Variants in PTDSS1 observed in about 807,000 individuals in gnomAD.
PTDSS1 encodes the protein phosphatidylserine synthase 1, also known as PSS-1.
PTDSS1 carries 45 observed loss-of-function variants against 70.5 expected under a neutral mutation model. That is an observed-to-expected ratio of 0.64 (90% CI 0.50 to 0.82). The LOEUF (loss-of-function observed/expected upper bound fraction) is 0.82, where lower values mean the gene tolerates loss of function less well. Ranked by LOEUF, PTDSS1 falls within the 40% of genes least tolerant of loss-of-function variation. The pLI is 0.00. For synonymous variants in PTDSS1, 188 were observed against 203.8 expected, an observed-to-expected ratio of 0.92 and a Z score of 0.66; for missense variants, 417 against 586.1, an observed-to-expected ratio of 0.71 and a Z score of 2.98.
chr8:96,296,453 CATAAGGACACAAGAGCATTCCCTTTT>C (rs1350613677), intron 5 of PTDSS1, among the ~76,000 whole-genome samples: 1 of 152,070 alleles, frequency 6.6e-6, no homozygotes, highest in Admixed American at 6.6e-5. Flanking sequence ...TGTTCTTTTT[CATAAGGACACAAGAGCATTCCCTTTT>C]ATAAGGACAC....
intron 4 of PTDSS1, chr8:96,287,389 A>G (rs1344048259): frequency 8.4e-6 from 4 of 477,998 alleles, no homozygotes; most frequent in African/African-American, 7.8e-5. Flanking sequence ...ATCGTCAGAC[A>G]GCCTTGGGTG....
chr8:96,308,211 A>T (rs1052977168), intron 8 of PTDSS1, among the ~76,000 whole-genome samples: 1 of 152,212 alleles, frequency 6.6e-6, no homozygotes, highest in Admixed American at 6.5e-5. Context: ...TTGAGTGAAC[A>T]TGCTTTTAAT....
At chr8:96,298,297 A>C (rs1270322952) in intron 5 of PTDSS1, among the ~76,000 whole-genome samples, 1 of 152,206 alleles carries the variant, frequency 6.6e-6, no homozygotes, top group Non-Finnish European at 1.5e-5. Context: ...TATAGCTTAC[A>C]AAATGCTTTC....
intron 10 of PTDSS1, among the ~76,000 whole-genome samples, chr8:96,324,085 C>T (rs964837114): frequency 7.2e-5 from 11 of 152,182 alleles, no homozygotes; most frequent in Non-Finnish European, 1.2e-4. Flanking sequence ...GTCTTTGCTA[C>T]TGTGTGACAA....
intron 12 of PTDSS1, among the ~76,000 whole-genome samples, chr8:96,332,876 C>G (rs1021174370): frequency 6.6e-6 from 1 of 152,186 alleles, no homozygotes; most frequent in Non-Finnish European, 1.5e-5. Flanking sequence ...GCCGCTAGGC[C>G]AGGCAGGGGC....
At chr8:96,321,300 C>T (rs1421112747) in intron 10 of PTDSS1, among the ~76,000 whole-genome samples, 1 of 152,170 alleles carries the variant, frequency 6.6e-6, no homozygotes, top group East Asian at 1.9e-4. Flanking sequence ...AACCACCCTA[C>T]CATTATCATA....
chr8:96,333,135 G>A (rs1811541732), intron 12 of PTDSS1, among the ~76,000 whole-genome samples: 1 of 152,188 alleles, frequency 6.6e-6, no homozygotes. Flanking sequence ...CCCCTCGTTT[G>A]GGCTTCCGTT....
intron 4 of PTDSS1, among the ~76,000 whole-genome samples, chr8:96,291,146 C>T (rs1810897069): frequency 6.6e-6 from 1 of 152,062 alleles, no homozygotes; most frequent in South Asian, 2.1e-4. Context: ...CCATCCCATG[C>T]TGGTGGGAGT....
intron 5 of PTDSS1, among the ~76,000 whole-genome samples, chr8:96,296,237 C>T (rs1372393883): frequency 2.1e-5 from 3 of 143,616 alleles, no homozygotes; most frequent in Admixed American, 7.4e-5. Flanking sequence ...CTCCTGGGTT[C>T]ACGCCATTCT....
intron 10 of PTDSS1, 146 bp downstream of exon 10, chr8:96,320,491 C>T: frequency 1.4e-6 from 1 of 723,406 alleles, no homozygotes. Flanking sequence ...CTGAGACTGG[C>T]CACCAGCCTA....
At chr8:96,276,976 G>GTGCA (rs1810654762) in intron 2 of PTDSS1, among the ~76,000 whole-genome samples, 1 of 107,484 alleles carries the variant, frequency 9.3e-6, no homozygotes, top group Non-Finnish European at 2.1e-5. Context: ...GCGCGCACGC[G>GTGCA]CGCGCACACA....
rs1403864009 is a variant in PTDSS1 at position 96,277,397 on chromosome 8, C to T, written c.271+4007C>T. 2.1e-4 allele frequency among the ~76,000 whole-genome samples: 32 copies of T among 152,226 alleles called. 1 individual carries two copies. The highest frequency in any genetic ancestry group is 1.6e-3 in the Admixed American group (24 of 15,288). On this transcript the variant is annotated intron_variant, in intron 2 of 12. Transcript: ENST00000517309. Reference sequence around the variant, plus strand: ...CCCCTATTAGAGCCCTCTCTCAGGCCACAGGCCTCCCCAGGAGCCCATGCT... The same window carrying T: ...CCCCTATTAGAGCCCTCTCTCAGGCTACAGGCCTCCCCAGGAGCCCATGCT...
At chr8:96,328,685 T>C (rs892985122) in intron 10 of PTDSS1, among the ~76,000 whole-genome samples, 13 of 152,178 alleles carry the variant, frequency 8.5e-5, no homozygotes, top group African/African-American at 2.7e-4. Flanking sequence ...CCTTTCTTTT[T>C]TGGAACTAAG....
intron 10 of PTDSS1, among the ~76,000 whole-genome samples, chr8:96,323,262 AC>A (rs917170110): frequency 5.3e-5 from 8 of 152,192 alleles, no homozygotes; most frequent in Middle Eastern, 3.4e-3. Context: ...GTTGGGGATG[AC>A]CCTGCTGCCA....
intron 6 of PTDSS1, among the ~76,000 whole-genome samples, chr8:96,300,694 T>G (rs1157525024): frequency 1.3e-5 from 2 of 152,244 alleles, no homozygotes; most frequent in African/African-American, 4.8e-5. Context: ...CCCACATCAT[T>G]AAATATTCTT....
Position 96,262,754 on chromosome 8 carries a change from T to A in PTDSS1, c.179+535T>A, listed in dbSNP as rs1433974987. Among the ~76,000 whole-genome samples, 1 of 152,192 alleles carries A rather than the reference T, an allele frequency of 6.6e-6. No homozygotes were observed. Among genetic ancestry groups the A allele is most frequent in the Non-Finnish European group, 1.5e-5 (1 of 68,034 alleles). ...ATCCGTAACGCACAAAAAATGCACA[T>A]GTGTGCTGCATACACGGTCTTTCCT... On this transcript the variant is annotated intron_variant, in intron 1 of 12. Transcript: ENST00000517309. The surrounding 1 kb of genome is among the most constrained non-coding windows in gnomAD (Gnocchi z 4.4).
chr8:96,318,322 T>TTA (rs1811324757), intron 9 of PTDSS1, among the ~76,000 whole-genome samples: 1 of 148,418 alleles, frequency 6.7e-6, no homozygotes, highest in Admixed American at 6.7e-5. Flanking sequence ...AGACTCTATT[T>TTA]AAAAAAAAAA....
chr8:96,309,742 A>G (rs1343688326), intron 9 of PTDSS1, 120 bp downstream of exon 9: 4 of 767,450 alleles, frequency 5.2e-6, no homozygotes, highest in Non-Finnish European at 8.8e-6. Context: ...CAGGTGGACT[A>G]GATTTTATAT....
intron 2 of PTDSS1, among the ~76,000 whole-genome samples, chr8:96,278,255 T>G (rs980076220): frequency 3.9e-5 from 6 of 152,214 alleles, no homozygotes; most frequent in Non-Finnish European, 8.8e-5. Flanking sequence ...GGACAGAAAT[T>G]TATAGTGTTT....
Sources: allele counts gnomAD v4.1 joint callset (sites outside exome capture counted in the v4.1 genomes callset), GRCh38; gene constraint gnomAD v4.1.1; non-coding constraint Gnocchi (gnomAD v3.1); transcripts MANE v1.5; gene names NCBI Gene and HGNC (gene_info 2026-07-23, HGNC 2026-07-21).